Variants in CNTLN observed in about 807,000 individuals in gnomAD.
CNTLN encodes the protein centlein, centrosomal protein.
In CNTLN, 212 loss-of-function variants were observed where a neutral mutation model predicts 180.0. The ratio of observed to expected loss-of-function variants is 1.18; its 90% CI spans 1.05 to 1.32. The LOEUF (loss-of-function observed/expected upper bound fraction) is 1.32, where lower values mean the gene tolerates loss of function less well. Ranked by LOEUF, CNTLN falls within the 40% of genes most tolerant of loss-of-function variation. The pLI is 0.00. For synonymous variants in CNTLN, 722 were observed against 563.1 expected (o/e 1.28, Z -3.99); for missense variants, 2,095 against 1,610.9 (o/e 1.30, Z -5.14).
intron 13 of CNTLN, among the ~76,000 whole-genome samples, chr9:17,370,006 T>C (rs1404609777): frequency 8.0e-6 from 1 of 124,496 alleles, no homozygotes; most frequent in Non-Finnish European, 1.7e-5. Flanking sequence ...AAAAAGAAAA[T>C]ACACAGAGGA....
At chr9:17,232,236 T>G (rs1824859053) in intron 3 of CNTLN, among the ~76,000 whole-genome samples, 2 of 152,050 alleles carry the variant, frequency 1.3e-5, no homozygotes, top group Admixed American at 6.6e-5. Context: ...TTTGTCTAAC[T>G]TATTTTCTTT....
In CNTLN at chr9:17,199,660, G is replaced by A. The variant is rs116514360; in HGVS notation, c.450-26543G>A. On this transcript the variant is annotated intron_variant, in intron 2 of 25. Coordinates refer to ENST00000380647, the MANE Select transcript of CNTLN (RefSeq NM_017738.4). ...ATCTTCTTTTGAGAAGTGTCTTGTCGTATCCTTTGCCCAGTTTTTGATGGG... is the reference window on the plus strand; with the variant it reads ...ATCTTCTTTTGAGAAGTGTCTTGTCATATCCTTTGCCCAGTTTTTGATGGG... Among the ~76,000 whole-genome samples, 50 of 152,058 alleles carry A rather than the reference G, an allele frequency of 3.3e-4. 1 individual carries two copies. The highest frequency in any genetic ancestry group is 1.2e-3 in the African/African-American group (48 of 41,488).
chr9:17,203,974 T>G (rs1822738830), intron 2 of CNTLN, among the ~76,000 whole-genome samples: 1 of 152,236 alleles, frequency 6.6e-6, no homozygotes, highest in South Asian at 2.1e-4. Flanking sequence ...TTGTGTTTGC[T>G]TCACAAAGTT....
At chr9:17,213,881 G>C (rs1823521343) in intron 2 of CNTLN, among the ~76,000 whole-genome samples, 1 of 152,180 alleles carries the variant, frequency 6.6e-6, no homozygotes, top group East Asian at 1.9e-4. Flanking sequence ...TGCAACCCCT[G>C]CCTTTTTTTG....
At chr9:17,426,635 TTTC>T (rs1209080948) in intron 18 of CNTLN, among the ~76,000 whole-genome samples, 2 of 152,064 alleles carry the variant, frequency 1.3e-5, no homozygotes, top group African/African-American at 4.8e-5. Flanking sequence ...TGGACTTTAA[TTTC>T]TTCTTTTGTA....
intron 12 of CNTLN, among the ~76,000 whole-genome samples, chr9:17,364,875 T>C (rs1256404165): frequency 2.6e-5 from 4 of 152,202 alleles, no homozygotes; most frequent in Non-Finnish European, 4.4e-5. Flanking sequence ...TTTGAACCTA[T>C]TGATTTAGGC....
intron 8 of CNTLN, among the ~76,000 whole-genome samples, chr9:17,321,003 T>C (rs1819870990): frequency 6.6e-6 from 1 of 152,244 alleles, no homozygotes; most frequent in Non-Finnish European, 1.5e-5. Context: ...AATTATTTAT[T>C]ATAATTTAAA....
At chr9:17,334,910 T>TAAAAAAAAA (rs71303378) in intron 10 of CNTLN, among the ~76,000 whole-genome samples, 4 of 122,584 alleles carry the variant, frequency 3.3e-5, no homozygotes, top group Non-Finnish European at 5.1e-5. Context: ...AATCTAAAAT[T>TAAAAAAAAA]AAAAAAAAAA....
chr9:17,400,858 C>G (rs1423204253), intron 15 of CNTLN, among the ~76,000 whole-genome samples: 2 of 151,990 alleles, frequency 1.3e-5, no homozygotes, highest in Admixed American at 6.6e-5. Flanking sequence ...TCTCACATAA[C>G]AAAGATTTAT....
chr9:17,164,838 C>CT (rs565706282), intron 2 of CNTLN, among the ~76,000 whole-genome samples: 3,101 of 134,530 alleles, frequency 0.023, 79 homozygotes, highest in African/African-American at 0.055. Flanking sequence ...TTCTTTCTTT[C>CT]TTTTTTTTTT....
chr9:17,238,593 C>T (rs1825296860), intron 5 of CNTLN, among the ~76,000 whole-genome samples: 1 of 152,178 alleles, frequency 6.6e-6, no homozygotes, highest in African/African-American at 2.4e-5. Flanking sequence ...CTTTGTCCTC[C>T]AGTCACAGTT....
At chr9:17,407,456 C>A (rs182531119) in intron 15 of CNTLN, among the ~76,000 whole-genome samples, 3 of 152,024 alleles carry the variant, frequency 2.0e-5, no homozygotes, top group African/African-American at 7.2e-5. Flanking sequence ...ATTAACATGA[C>A]GTTGAGAGGG....
At chr9:17,201,570 G>A (rs1822531176) in intron 2 of CNTLN, among the ~76,000 whole-genome samples, 1 of 152,082 alleles carries the variant, frequency 6.6e-6, no homozygotes, top group Non-Finnish European at 1.5e-5. Context: ...TTGGGAGGAT[G>A]TATGTGTGCA....
At chr9:17,480,358 CAA>C (rs56758433) in intron 23 of CNTLN, among the ~76,000 whole-genome samples, 96,491 of 147,892 alleles carry the variant, frequency 0.65, 33,254 homozygotes, top group East Asian at 0.83. Context: ...AAATTAATGG[CAA>C]AAAAAAAAAA....
intron 8 of CNTLN, among the ~76,000 whole-genome samples, chr9:17,315,595 G>C (rs932999123): frequency 6.6e-6 from 1 of 151,940 alleles, no homozygotes; most frequent in Non-Finnish European, 1.5e-5. Flanking sequence ...CTGTCCTTGT[G>C]AGATTCCAAT....
chr9:17,217,900 T>G (rs1362632198), intron 2 of CNTLN, among the ~76,000 whole-genome samples: 3 of 152,166 alleles, frequency 2.0e-5, no homozygotes, highest in African/African-American at 7.2e-5. Flanking sequence ...AGAAATGGTG[T>G]TGAATGAGTA....
chr9:17,136,488 C>A (rs1817726437), intron 1 of CNTLN, among the ~76,000 whole-genome samples: 1 of 152,148 alleles, frequency 6.6e-6, no homozygotes, highest in Non-Finnish European at 1.5e-5. Context: ...CGCCACCACG[C>A]CTGGCTAATT....
intron 2 of CNTLN, among the ~76,000 whole-genome samples, chr9:17,222,654 C>A (rs1252749917): frequency 3.9e-5 from 6 of 152,044 alleles, no homozygotes; most frequent in Non-Finnish European, 7.4e-5. Flanking sequence ...CTTTTTCTTC[C>A]CAGTCTCGGG....
At chr9:17,393,813 G>C (rs113589634) in intron 14 of CNTLN, among the ~76,000 whole-genome samples, 1,631 of 152,224 alleles carry the variant, frequency 0.011, 32 homozygotes, top group African/African-American at 0.037. Context: ...ATGATACTTA[G>C]ATTATATCCT....
Sources: allele counts gnomAD v4.1 joint callset (sites outside exome capture counted in the v4.1 genomes callset), GRCh38; gene constraint gnomAD v4.1.1; transcripts MANE v1.5; gene names NCBI Gene and HGNC (gene_info 2026-07-23, HGNC 2026-07-21).